RGL1: variants seen among roughly 807,000 people sequenced by gnomAD.
RGL1 encodes the protein ral guanine nucleotide dissociation stimulator-like 1.
In RGL1, 24 loss-of-function variants were observed where a neutral mutation model predicts 95.2. The ratio of observed to expected loss-of-function variants is 0.25; its 90% confidence interval spans 0.18 to 0.35. The LOEUF (loss-of-function observed/expected upper bound fraction) is 0.35. Ranked by LOEUF, RGL1 falls within the 10% of genes least tolerant of loss-of-function variation. RGL1 has a pLI of 1.00. For missense variants in RGL1, 715 were observed against 936.3 expected (o/e 0.76, Z 3.08); for synonymous variants, 329 against 344.9 (o/e 0.95, Z 0.51).
chr1:183,877,062 G>C (rs1458956191), intron 4 of RGL1, among the ~76,000 whole-genome samples: 2 of 152,306 alleles, frequency 1.3e-5, no homozygotes, highest in Admixed American at 6.5e-5. Flanking sequence ...TCCCCAGAGA[G>C]GGGGGTCAGT....
At chr1:183,639,273 A>C (rs1425522303) in intron 1 of RGL1, among the ~76,000 whole-genome samples, 1 of 147,866 alleles carries the variant, frequency 6.8e-6, no homozygotes, top group Non-Finnish European at 1.5e-5. Context: ...AGAGCAAGAC[A>C]CTTCATCTCA....
intron 2 of RGL1, among the ~76,000 whole-genome samples, chr1:183,832,028 A>G (rs567881882): frequency 1.3e-5 from 2 of 152,326 alleles, no homozygotes; most frequent in South Asian, 2.1e-4. Context: ...GTTGGACTTT[A>G]TTATAAAAGC....
chr1:183,664,679 G>C (rs1352068918), intron 1 of RGL1, among the ~76,000 whole-genome samples: 1 of 151,714 alleles, frequency 6.6e-6, no homozygotes, highest in East Asian at 1.9e-4. Flanking sequence ...TGGGAAAATT[G>C]TATTTCAAAA....
At chr1:183,888,692 CTG>C in intron 8 of RGL1, 115 bp downstream of exon 8, 3 of 681,068 alleles carry the variant, frequency 4.4e-6, no homozygotes, top group Non-Finnish European at 5.2e-6. Flanking sequence ...TTGAAATCCT[CTG>C]TGTGTTTCAG....
At chr1:183,679,263 G>T (rs1303830534) in intron 1 of RGL1, among the ~76,000 whole-genome samples, 3 of 151,970 alleles carry the variant, frequency 2.0e-5, no homozygotes, top group Admixed American at 2.0e-4. Flanking sequence ...TATACTTTAA[G>T]TTCCGGGATA....
chr1:183,838,339 G>C (rs1256188515), intron 2 of RGL1, among the ~76,000 whole-genome samples: 1 of 152,122 alleles, frequency 6.6e-6, no homozygotes, highest in African/African-American at 2.4e-5. Context: ...CTTCAGGAGG[G>C]TTCCTGGACT....
chr1:183,879,910 A>G (rs532392186), intron 4 of RGL1, among the ~76,000 whole-genome samples: 75 of 152,250 alleles, frequency 4.9e-4, no homozygotes, highest in Admixed American at 1.5e-3. Flanking sequence ...GTGCCCTGGA[A>G]CCTTGTCTTC....
intron 1 of RGL1, among the ~76,000 whole-genome samples, chr1:183,669,031 C>T (rs528640282): frequency 6.6e-6 from 1 of 151,504 alleles, no homozygotes; most frequent in Non-Finnish European, 1.5e-5. Context: ...CAACCTCCGC[C>T]TCCCGGGTTC....
intron 1 of RGL1, among the ~76,000 whole-genome samples, chr1:183,717,176 C>T (rs999436620): frequency 5.3e-5 from 8 of 152,200 alleles, no homozygotes; most frequent in African/African-American, 1.9e-4. Context: ...GATCAAAGAA[C>T]ATCTGCAATG....
chr1:183,687,231 G>T (rs1198608564), intron 1 of RGL1, among the ~76,000 whole-genome samples: 4 of 151,994 alleles, frequency 2.6e-5, no homozygotes, highest in African/African-American at 9.7e-5. Flanking sequence ...TTTCCTTCTA[G>T]AATGTAAGCT....
chr1:183,884,824 C>T lies in RGL1; in HGVS notation c.837C>T (p.Thr279=). 1 of 1,614,146 alleles carries T rather than the reference C, an allele frequency of 6.2e-7. No homozygotes were observed. The highest frequency in any genetic ancestry group is 8.5e-7 in the Non-Finnish European group (1 of 1,179,984). ...ATTTGGCTCCTACGATCCGTGCCAC[C>T]ATCTCTCAGTTTAATACCCTCACCA... ...NKHLAPTIRA[T]ISQFNTLTKC... is the part of the protein sequence containing the mutation. Residue 279 remains threonine (T), a synonymous_variant, in exon 7 of 18, where the codon ACC becomes ACT. Coordinates refer to ENST00000360851, the MANE Select transcript of RGL1 (RefSeq NM_001297671.3).
chr1:183,877,067 G>T (rs1666537301), intron 4 of RGL1, among the ~76,000 whole-genome samples: 1 of 152,176 alleles, frequency 6.6e-6, no homozygotes, highest in Non-Finnish European at 1.5e-5. Flanking sequence ...AGAGAGGGGG[G>T]TCAGTGGAGT....
At chr1:183,683,279 A>G (rs1320658909) in intron 1 of RGL1, among the ~76,000 whole-genome samples, 1 of 152,084 alleles carries the variant, frequency 6.6e-6, no homozygotes, top group African/African-American at 2.4e-5. Context: ...GGTCTTTACA[A>G]TTTGGTATGT....
At chr1:183,694,025 A>G (rs562735573) in intron 1 of RGL1, among the ~76,000 whole-genome samples, 23 of 152,346 alleles carry the variant, frequency 1.5e-4, no homozygotes, top group African/African-American at 5.5e-4. Context: ...GGCATGGCAC[A>G]ACATGGCCTG....
At chr1:183,857,100 G>A (rs1338510726) in intron 3 of RGL1, among the ~76,000 whole-genome samples, 1 of 152,144 alleles carries the variant, frequency 6.6e-6, no homozygotes, top group African/African-American at 2.4e-5. Flanking sequence ...ATCTGAGTGA[G>A]CCCAGAGTAA....
intron 2 of RGL1, among the ~76,000 whole-genome samples, chr1:183,819,689 G>A (rs1292735278): frequency 1.3e-5 from 2 of 151,844 alleles, no homozygotes; most frequent in East Asian, 1.9e-4. Flanking sequence ...TCTTTGCATC[G>A]GTGTTCAATG....
intron 1 of RGL1, among the ~76,000 whole-genome samples, chr1:183,736,464 T>A (rs1656946199): frequency 6.6e-6 from 1 of 152,218 alleles, no homozygotes; most frequent in Admixed American, 6.5e-5. Flanking sequence ...TGTAGCTTCA[T>A]GATTTTAACT....
At chr1:183,822,131 T>C (rs1040978969) in intron 2 of RGL1, among the ~76,000 whole-genome samples, 10 of 151,968 alleles carry the variant, frequency 6.6e-5, no homozygotes, top group African/African-American at 2.4e-4. Context: ...GTTTATGGGG[T>C]TACATGGGCC....
intron 1 of RGL1, among the ~76,000 whole-genome samples, chr1:183,679,157 C>T (rs1157488252): frequency 6.6e-6 from 1 of 152,182 alleles, no homozygotes; most frequent in Non-Finnish European, 1.5e-5. Context: ...CCTTGTAGAA[C>T]CTTTTAAATT....
Sources: gnomAD v4.1 joint callset for allele counts (sites outside exome capture counted in the v4.1 genomes callset) on GRCh38, gnomAD v4.1.1 for gene constraint, MANE v1.5 for transcripts, NCBI Gene and HGNC (gene_info 2026-07-23, HGNC 2026-07-21) for gene names.